WIZ: variants seen among roughly 807,000 people sequenced by gnomAD.
WIZ encodes protein Wiz.
Under a neutral mutation model 140.2 loss-of-function variants are expected in WIZ, and 25 were observed. The observed-to-expected ratio is 0.18, with a 90% CI of 0.13 to 0.25. The LOEUF (loss-of-function observed/expected upper bound fraction) is 0.25. Ranked by LOEUF, WIZ falls within the 10% of genes least tolerant of loss-of-function variation. The pLI, the probability that WIZ is intolerant of heterozygous loss-of-function variation, is 1.00. For missense variants in WIZ, 2,231 were observed against 2,632.6 expected, an observed-to-expected ratio of 0.85 and a Z score of 3.34; for synonymous variants, 1,125 against 1,154.3, an observed-to-expected ratio of 0.97 and a Z score of 0.51.
chr19:15,437,163 GA>G, intron 4 of WIZ, 34 bp from the exon 5 acceptor site: 1 of 1,533,410 alleles, frequency 6.5e-7, no homozygotes, highest in Non-Finnish European at 8.8e-7. Flanking sequence ...CTGAGGTGGA[GA>G]GGGGGCTACT....
intron 5 of WIZ, among the ~76,000 whole-genome samples, chr19:15,431,975 G>A (rs1969271595): frequency 6.6e-6 from 1 of 152,226 alleles, no homozygotes; most frequent in African/African-American, 2.4e-5. Context: ...GCCAAATGGG[G>A]CCTTGGAGGC....
chr19:15,443,238 ATTC>A (rs1373313243), intron 2 of WIZ, among the ~76,000 whole-genome samples: 3 of 152,102 alleles, frequency 2.0e-5, no homozygotes, highest in African/African-American at 4.8e-5. Context: ...TGCCTGGGTA[ATTC>A]TTCTATGTTT....
intron 3 of WIZ, among the ~76,000 whole-genome samples, chr19:15,441,035 T>C (rs1683073391): frequency 6.6e-6 from 1 of 152,114 alleles, no homozygotes; most frequent in Admixed American, 6.5e-5. Context: ...GTGGCAACAG[T>C]CAACTCTCAT....
At chr19:15,448,962 C>T (rs556316336) in intron 1 of WIZ, among the ~76,000 whole-genome samples, 1 of 152,064 alleles carries the variant, frequency 6.6e-6, no homozygotes, top group African/African-American at 2.4e-5. Flanking sequence ...CCCCCCTCCA[C>T]ACACACAGCC....
Position 15,433,229 on chromosome 19 carries a change from C to T in WIZ, c.2741-2047G>A, listed in dbSNP as rs969489384. 7 of 984,520 alleles carry T rather than the reference C, an allele frequency of 7.1e-6. No individual in the cohort carries two copies. In the African/African-American group the frequency reaches 1.0e-4, roughly 15 times the overall value. The allele number at this position is 984,520 out of a possible 1,614,324, so 61.0% of individuals were successfully genotyped here. ...TTATCCAACCGTCCCCCGACGGTGCCGTTCCGCAGACCTAGGGAACCCCAC... is the reference window on the plus strand; with the variant it reads ...TTATCCAACCGTCCCCCGACGGTGCTGTTCCGCAGACCTAGGGAACCCCAC... On this transcript the variant is annotated intron_variant, in intron 5 of 12. Transcript: ENST00000673675.
Position 15,422,063 on chromosome 19 carries a change from G to A in WIZ, c.*1013C>T, listed in dbSNP as rs1176647012. ...CCAATGCCAGCCTGTCCACTTGACA[G>A]AAAAACACACGCTGGCCGCCTGCCC... On this transcript the variant is annotated 3_prime_UTR_variant, in exon 13 of 13. Coordinates refer to ENST00000673675, the MANE Select transcript of WIZ (RefSeq NM_001371589.1). The A allele has an allele frequency of 6.6e-6, 1 of 152,274 alleles. No individual in the cohort carries two copies. Among genetic ancestry groups the A allele is most frequent in the Non-Finnish European group, 1.5e-5 (1 of 68,094 alleles). 9.4% of individuals were successfully genotyped at this position (152,274 alleles called of 1,614,324 possible). A position where few individuals can be genotyped will look rare whatever the true frequency, so the allele number is the denominator to read the frequency against.
chr19:15,428,066 C>T lies in WIZ; in HGVS notation c.3814+44G>A, dbSNP rs1361058954. The T allele has an allele frequency of 4.6e-6, 7 of 1,523,420 alleles. No individual in the cohort carries two copies. The highest frequency in any genetic ancestry group is 1.2e-5 in the South Asian group (1 of 82,200). 94.4% of individuals were successfully genotyped at this position (1,523,420 alleles called of 1,614,324 possible). On this transcript the variant is annotated intron_variant, in intron 8 of 12. Transcript: ENST00000673675. This position sits in a 1 kb window ranked among gnomAD's most constrained non-coding sequence, Gnocchi z 6.4. ...TGTGACCCCCCCCCCGGGAGGGGCT[C>T]CAGGGCCCGCAGTGAGGAGGGGGCA...
Position 15,425,254 on chromosome 19 carries a change from C to A in WIZ, c.4881G>T (p.Lys1627Asn). ...LPFKAKTLHE[K>N]TSHSSTEACC... Reference sequence around the variant, plus strand: ...CCCGCTGCTTACAGGAGTGGGAGGTCTTCTCATGAAGGGTCTTTGCCTTGA... The same window carrying A: ...CCCGCTGCTTACAGGAGTGGGAGGTATTCTCATGAAGGGTCTTTGCCTTGA... Residue 1627 changes from lysine to asparagine, a missense_variant, in exon 10 of 13, where the codon AAG becomes AAT. Lys to Asn is a moderately conservative substitution (Grantham distance 94, BLOSUM62 0). This residue lies in a region of WIZ where 393 missense variants were observed against 451.7 expected (regional missense o/e 0.87). Transcript: ENST00000673675. The A allele has an allele frequency of 6.3e-7, 1 of 1,583,682 alleles. No homozygotes were observed. The highest frequency in any genetic ancestry group is 8.6e-7 in the Non-Finnish European group (1 of 1,166,010).
At position 15,422,873 on chromosome 19, in the gene WIZ, C is replaced by A; in HGVS notation, c.*203G>T. Reference sequence around the variant, plus strand: ...GGGCTGAAGGAAGACACCCTGTGGCCCCAGAGTCCTCGGGCTGGGGGAAGG... The same window carrying A: ...GGGCTGAAGGAAGACACCCTGTGGCACCAGAGTCCTCGGGCTGGGGGAAGG... On this transcript the variant is annotated 3_prime_UTR_variant, in exon 13 of 13. Coordinates refer to ENST00000673675, the MANE Select transcript of WIZ (RefSeq NM_001371589.1). 1.4e-6 allele frequency: 1 copy of A among 713,192 alleles called. No homozygotes were observed. Among genetic ancestry groups the A allele is most frequent in the Admixed American group, 3.1e-5 (1 of 32,640 alleles). 44.2% of individuals were successfully genotyped at this position (713,192 alleles called of 1,614,324 possible). A position where few individuals can be genotyped will look rare whatever the true frequency, so the allele number is the denominator to read the frequency against.
In WIZ at chr19:15,437,015, C is replaced by CCGAAGTCA. The variant is rs764552313; in HGVS notation, c.2523_2530dup (p.Gly844ValfsTer46). 1 of 1,613,826 alleles carries CCGAAGTCA rather than the reference C, an allele frequency of 6.2e-7. No individual in the cohort carries two copies. ...GACAGTGAGCTCCCAGTTGGTGATA[C>CCGAAGTCA]CGAAGTCACGTAGGTGGGCCCGGGC... On this transcript the variant is annotated frameshift_variant, in exon 5 of 13. Transcript: ENST00000673675. LOFTEE classifies it high-confidence loss of function.
chr19:15,437,742 G>A (rs1368118916), intron 4 of WIZ, among the ~76,000 whole-genome samples: 3 of 152,216 alleles, frequency 2.0e-5, no homozygotes, highest in African/African-American at 4.8e-5. Context: ...TAGCCTTCTC[G>A]TGACTATTTT....
intron 2 of WIZ, among the ~76,000 whole-genome samples, chr19:15,447,823 A>T (rs1252584161): frequency 1.3e-5 from 2 of 152,076 alleles, no homozygotes; most frequent in Admixed American, 1.3e-4. Context: ...GGGCCTCTGG[A>T]CCCAATTAGT....
chr19:15,425,272 T>C lies in WIZ; in HGVS notation c.4863A>G (p.Ala1621=). Residue 1621 remains alanine, a synonymous_variant, in exon 10 of 13, where the codon GCA becomes GCG. Coordinates refer to ENST00000673675, the MANE Select transcript of WIZ (RefSeq NM_001371589.1). ...GGGAGGTCTTCTCATGAAGGGTCTT[T>C]GCCTTGAAGGGCAGTTCAGTCTGGA... is the stretch of plus-strand genomic sequence containing the variant. ...TYIQTELPFK[A]KTLHEKTSHS... The C allele has an allele frequency of 6.3e-7, 1 of 1,591,250 alleles. No individual in the cohort carries two copies.
rs1303644433 is a variant in WIZ, at chr19:15,420,519, C to G, written c.*2557G>C. 6.6e-6 allele frequency: 1 copy of G among 152,254 alleles called. No homozygotes were observed. Among genetic ancestry groups the G allele is most frequent in the Admixed American group, 6.5e-5 (1 of 15,272 alleles). 9.4% of individuals were successfully genotyped at this position (152,254 alleles called of 1,614,324 possible). On this transcript the variant is annotated 3_prime_UTR_variant, in exon 13 of 13. Transcript: ENST00000673675. The stretch of plus-strand genomic sequence containing the variant: ...GCGCCCTGCAGGTTCGTTCCTTCAT[C>G]GCACTTGCCACAGTCATCATTGTAC...
chr19:15,429,672 T>C lies in WIZ; in HGVS notation c.3329A>G (p.Lys1110Arg), dbSNP rs1455150828. 1.5e-5 allele frequency: 22 copies of C among 1,430,382 alleles called. No individual in the cohort carries two copies. The highest frequency in any genetic ancestry group is 1.9e-5 in the Non-Finnish European group (21 of 1,095,280). 88.6% of individuals were successfully genotyped at this position (1,430,382 alleles called of 1,614,324 possible). The change falls in exon 7 of 13, where the codon AAG becomes AGG. Residue 1110 changes from lysine to arginine, a missense_variant. Lys to Arg is a conservative substitution (Grantham distance 26, BLOSUM62 2). Around this residue, in one of 15 missense-constraint regions of WIZ, gnomAD observed 163 missense variants for 166.8 expected, o/e 0.98. Coordinates refer to ENST00000673675, the MANE Select transcript of WIZ (RefSeq NM_001371589.1). ...GGGGCTCAGGGACAGCTGGGGGCTC[T>C]TGTCCTCAGGATTCTTAGGGGTAGG... is the stretch of plus-strand genomic sequence containing the variant. ...GSPTPKNPED[K>R]SPQLSLSPRP... is the part of the protein sequence containing the mutation.
chr19:15,426,923 G>GA, intron 9 of WIZ, 59 bp downstream of exon 9: 1 of 1,542,398 alleles, frequency 6.5e-7, no homozygotes, highest in African/African-American at 1.4e-5. Flanking sequence ...CCCCCAAGGG[G>GA]AGGCAGGGAG....
At chr19:15,445,913 G>A (rs1456349591) in intron 2 of WIZ, among the ~76,000 whole-genome samples, 1 of 152,176 alleles carries the variant, frequency 6.6e-6, no homozygotes, top group Admixed American at 6.5e-5. Context: ...CTTTGGGGTG[G>A]AATAGCAGCC....
At chr19:15,426,191 C>A (rs1482307213) in intron 9 of WIZ, among the ~76,000 whole-genome samples, 1 of 152,068 alleles carries the variant, frequency 6.6e-6, no homozygotes, top group Non-Finnish European at 1.5e-5. Context: ...AAAACCCCTA[C>A]CTCCCAGTGT....
At position 15,437,710 on chromosome 19, in the gene WIZ, A is replaced by G. The variant is rs563272014; in HGVS notation, c.2417-581T>C. Among the ~76,000 whole-genome samples, 78 of 152,374 alleles carry G rather than the reference A, an allele frequency of 5.1e-4. No homozygotes were observed. In the Middle Eastern group the frequency reaches 0.024, roughly 47 times the overall value. Reference sequence around the variant, plus strand: ...CTTCTCCAGTTGTGGACCTGCCATCATCTATGAGAGTATTTGATTAATAGC... The same window carrying G: ...CTTCTCCAGTTGTGGACCTGCCATCGTCTATGAGAGTATTTGATTAATAGC... On this transcript the variant is annotated intron_variant, in intron 4 of 12. Transcript: ENST00000673675.
Sources: gnomAD v4.1 joint callset for allele counts (sites outside exome capture counted in the v4.1 genomes callset) on GRCh38, gnomAD v4.1.1 for gene constraint, gnomAD v4.1.1 regional missense constraint, Gnocchi (gnomAD v3.1) non-coding constraint, MANE v1.5 for transcripts, NCBI Gene and HGNC (gene_info 2026-07-23, HGNC 2026-07-21) for gene names.